ZNF618: variants seen among roughly 807,000 people sequenced by gnomAD.
ZNF618 encodes the protein zinc finger protein 618.
ZNF618 carries 34 observed loss-of-function variants against 103.0 expected under a neutral mutation model. The observed-to-expected ratio is 0.33, with a 90% confidence interval of 0.25 to 0.44. ZNF618 has a LOEUF of 0.44. Among genes scored for constraint, ZNF618 ranks in the 20% least tolerant of loss-of-function variants. The pLI is 1.00. For synonymous variants in ZNF618, 551 were observed against 542.2 expected (o/e 1.02, Z -0.23); for missense variants, 1,059 against 1,295.4 (o/e 0.82, Z 2.80).
In ZNF618 at chr9:113,931,138, G is replaced by A. The variant is rs117036055; in HGVS notation, c.34-37979G>A. 8.0e-3 allele frequency among the ~76,000 whole-genome samples: 1,219 copies of A among 152,360 alleles called. 6 individuals carry two copies. Among genetic ancestry groups the A allele is most frequent in the Non-Finnish European group, 0.014 (976 of 68,034 alleles). ...GGATGGTATGTTGAGTAAGGGCAGAGAGGTGCTGTGGAGTGGGCAGAAGTG... is the reference window on the plus strand; with the variant it reads ...GGATGGTATGTTGAGTAAGGGCAGAAAGGTGCTGTGGAGTGGGCAGAAGTG... On this transcript the variant is annotated intron_variant, in intron 1 of 14. Transcript: ENST00000374126.
intron 1 of ZNF618, among the ~76,000 whole-genome samples, chr9:113,924,620 T>G (rs1832919991): frequency 6.6e-6 from 1 of 151,784 alleles, no homozygotes; most frequent in Admixed American, 6.6e-5. Context: ...TCTAGTTTTC[T>G]AAGGTAGATG....
chr9:113,976,167 G>A (rs1177501117), intron 2 of ZNF618, among the ~76,000 whole-genome samples: 1 of 152,326 alleles, frequency 6.6e-6, no homozygotes, highest in South Asian at 2.1e-4. Context: ...ATCAAGATCC[G>A]TGAGTTGTTT....
chr9:114,008,092 T>C (rs4979322), intron 7 of ZNF618, among the ~76,000 whole-genome samples: 47,574 of 152,174 alleles, frequency 0.31, 8,409 homozygotes, highest in East Asian at 0.61. Flanking sequence ...TGTCTGCCTG[T>C]ACCATGGATG....
At chr9:113,947,283 A>G (rs189471007) in intron 1 of ZNF618, among the ~76,000 whole-genome samples, 18 of 152,184 alleles carry the variant, frequency 1.2e-4, no homozygotes, top group Non-Finnish European at 2.5e-4. Context: ...TGAGCAAGAT[A>G]TTTAATCTCA....
intron 12 of ZNF618, among the ~76,000 whole-genome samples, chr9:114,033,748 T>G (rs2134283532): frequency 6.6e-6 from 1 of 152,294 alleles, no homozygotes; most frequent in Admixed American, 6.5e-5. Context: ...TCTCACATTG[T>G]GGTTACATTA....
chr9:113,952,960 A>G (rs2132371113), intron 1 of ZNF618, among the ~76,000 whole-genome samples: 1 of 152,388 alleles, frequency 6.6e-6, no homozygotes, highest in South Asian at 2.1e-4. Flanking sequence ...GGATGAGATC[A>G]GACACATTTA....
intron 1 of ZNF618, among the ~76,000 whole-genome samples, chr9:113,956,293 A>G (rs1836291487): frequency 6.7e-6 from 1 of 150,246 alleles, no homozygotes; most frequent in East Asian, 1.9e-4. Context: ...CCCCAACTTT[A>G]CCATACTCAC....
chr9:114,022,272 G>T (rs2134045055), intron 10 of ZNF618, among the ~76,000 whole-genome samples: 1 of 151,806 alleles, frequency 6.6e-6, no homozygotes, highest in South Asian at 2.1e-4. Context: ...GAGTATTGCA[G>T]GCCTCATAGA....
chr9:113,901,328 C>T (rs539279249), intron 1 of ZNF618, among the ~76,000 whole-genome samples: 21 of 152,308 alleles, frequency 1.4e-4, no homozygotes, highest in Non-Finnish European at 1.8e-4. Flanking sequence ...CTCCTTGCCC[C>T]GTCTCCTGTC....
rs1273396907 is a variant in ZNF618 at position 114,016,699 on chromosome 9, T to C, written c.759T>C (p.Thr253=). The change falls in exon 10 of 15, where the codon ACT becomes ACC. Residue 253 remains threonine, a synonymous_variant. Transcript: ENST00000374126. ...CTTCGTTTCCTTCCTGGACAGAAAC[T>C]GGCAATTACACCTGTGAATTCTGCG... ...PEPFQKIGPK[T]GNYTCEFCGK... is the part of the protein sequence containing the mutation. 1 of 1,613,534 alleles carries C rather than the reference T, an allele frequency of 6.2e-7. No homozygotes were observed. The highest frequency in any genetic ancestry group is 2.2e-5 in the East Asian group (1 of 44,876).
At chr9:113,981,625 G>A (rs1429067938) in intron 2 of ZNF618, among the ~76,000 whole-genome samples, 4 of 152,222 alleles carry the variant, frequency 2.6e-5, no homozygotes, top group African/African-American at 7.2e-5. Context: ...CAGGCACCTA[G>A]CATCAGGGCG....
chr9:113,953,618 C>T (rs1835974082), intron 1 of ZNF618, among the ~76,000 whole-genome samples: 1 of 152,190 alleles, frequency 6.6e-6, no homozygotes, highest in Non-Finnish European at 1.5e-5. Context: ...GAAATCATGA[C>T]TCCTACCTTG....
intron 13 of ZNF618, among the ~76,000 whole-genome samples, chr9:114,045,297 A>G (rs1223157300): frequency 6.6e-6 from 1 of 152,090 alleles, no homozygotes; most frequent in Non-Finnish European, 1.5e-5. Flanking sequence ...GTTCACAAAG[A>G]CTTAATCAGT....
chr9:113,961,134 T>G (rs1836808438), intron 1 of ZNF618, among the ~76,000 whole-genome samples: 1 of 152,246 alleles, frequency 6.6e-6, no homozygotes, highest in Admixed American at 6.5e-5. Flanking sequence ...CTGTGCTTCC[T>G]ATTCCAGTAT....
intron 10 of ZNF618, among the ~76,000 whole-genome samples, chr9:114,017,174 G>A (rs1208242060): frequency 6.6e-6 from 1 of 152,178 alleles, no homozygotes; most frequent in Non-Finnish European, 1.5e-5. Flanking sequence ...CTGAACAGAT[G>A]CATGAAGGAG....
rs1319830344 is a variant in ZNF618, at chr9:114,050,453, C to A, written c.*286C>A. ...AACTTTGCACACACGCACACACACA[C>A]ACACACACACACACACACACACGAC... On this transcript the variant is annotated 3_prime_UTR_variant, in exon 15 of 15. Transcript: ENST00000374126. 1 of 304,764 alleles carries A rather than the reference C, an allele frequency of 3.3e-6. No homozygotes were observed. The highest frequency in any genetic ancestry group is 2.2e-5 in the African/African-American group (1 of 45,856). The allele number at this position is 304,764 out of a possible 1,614,324, so 18.9% of individuals were successfully genotyped here.
At chr9:114,005,473 C>T (rs754378512) in intron 6 of ZNF618, among the ~76,000 whole-genome samples, 27 of 152,122 alleles carry the variant, frequency 1.8e-4, no homozygotes, top group Non-Finnish European at 4.0e-4. Flanking sequence ...TGGGGGCTCA[C>T]GTTTTATTGG....
At chr9:114,030,314 G>A (rs186232383) in intron 11 of ZNF618, among the ~76,000 whole-genome samples, 2 of 152,348 alleles carry the variant, frequency 1.3e-5, no homozygotes, top group African/African-American at 2.4e-5. Context: ...GCCAGTAGCC[G>A]TTGTGTTTTT....
chr9:113,947,065 T>C (rs567472247), intron 1 of ZNF618, among the ~76,000 whole-genome samples: 2 of 152,284 alleles, frequency 1.3e-5, no homozygotes, highest in South Asian at 2.1e-4. Flanking sequence ...CCTGTTGTTA[T>C]CCAGCACCAC....
Sources: allele counts gnomAD v4.1 joint callset (sites outside exome capture counted in the v4.1 genomes callset), GRCh38; gene constraint gnomAD v4.1.1; transcripts MANE v1.5; gene names NCBI Gene and HGNC (gene_info 2026-07-23, HGNC 2026-07-21).